Variants in RNF157 observed in about 807,000 individuals in gnomAD.
The protein encoded by RNF157 is ring finger protein 157, also known as E3 ubiquitin ligase RNF157.
A neutral mutation model predicts 88.3 loss-of-function variants in RNF157; 55 were observed. The observed-to-expected ratio is 0.62, with a 90% CI of 0.50 to 0.78. The LOEUF (loss-of-function observed/expected upper bound fraction) is 0.78. Among genes scored for constraint, RNF157 ranks in the 30% least tolerant of loss-of-function variants. The probability of loss-of-function intolerance (pLI) is 0.00; values close to 1 mark genes in which losing one functional copy is unlikely to be tolerated. For missense variants in RNF157, 788 were observed against 860.8 expected, an observed-to-expected ratio of 0.92 and a Z score of 1.06; for synonymous variants, 334 against 341.2, an observed-to-expected ratio of 0.98 and a Z score of 0.23.
At chr17:76,172,114 G>C (rs1332780934) in intron 3 of RNF157, among the ~76,000 whole-genome samples, 1 of 152,172 alleles carries the variant, frequency 6.6e-6, no homozygotes, top group East Asian at 1.9e-4. Context: ...TTGACCCTGG[G>C]GTGGAGAGAA....
intron 17 of RNF157, 188 bp from the exon 18 acceptor site, chr17:76,152,653 G>A (rs1416142861): frequency 9.8e-5 from 53 of 541,668 alleles, no homozygotes; most frequent in Middle Eastern, 4.9e-4. Context: ...CTGTGTTCTC[G>A]CGCTTTCCTG....
intron 2 of RNF157, among the ~76,000 whole-genome samples, chr17:76,177,348 C>T (rs953144187): frequency 2.0e-5 from 3 of 149,882 alleles, no homozygotes; most frequent in Non-Finnish European, 4.5e-5. Context: ...CTGCTCCTGC[C>T]GCCTAGCTTC....
rs762479554 is a variant in RNF157 at position 76,162,561 on chromosome 17, TTG to T, written c.781_782del (p.Gln261ArgfsTer3). On this transcript the variant is annotated frameshift_variant, in exon 9 of 19. Coordinates refer to ENST00000269391, the MANE Select transcript of RNF157 (RefSeq NM_052916.3). LOFTEE classifies it high-confidence loss of function. ...TTTGGGTAAAACTTACCTTAGAATCTTGTGTGTTGTACTTGTTTTCAATTCCA... is the reference window on the plus strand; with the variant it reads ...TTTGGGTAAAACTTACCTTAGAATCTTGTGTTGTACTTGTTTTCAATTCCA... ...IYGIENKYNT[Q>X]DSKVAEDEVS... is the part of the protein sequence containing the mutation. The T allele has an allele frequency of 1.2e-6, 2 of 1,612,760 alleles. No homozygotes were observed. Among genetic ancestry groups the T allele is most frequent in the South Asian group, 2.2e-5 (2 of 90,836 alleles).
intron 1 of RNF157, among the ~76,000 whole-genome samples, chr17:76,225,273 C>T (rs1348912049): frequency 2.0e-5 from 3 of 152,076 alleles, no homozygotes; most frequent in Non-Finnish European, 4.4e-5. Flanking sequence ...ATCACTTGAG[C>T]CCAGGAGTTC....
At chr17:76,165,837 C>T (rs757171978) in intron 6 of RNF157, among the ~76,000 whole-genome samples, 7 of 151,974 alleles carry the variant, frequency 4.6e-5, no homozygotes, top group Middle Eastern at 3.4e-3. Context: ...CCACCATGCC[C>T]GGTTACTTTT....
intron 2 of RNF157, among the ~76,000 whole-genome samples, chr17:76,200,328 GTGTC>G (rs767108083): frequency 6.6e-6 from 1 of 152,164 alleles, no homozygotes; most frequent in Non-Finnish European, 1.5e-5. Flanking sequence ...AGCAACCCAA[GTGTC>G]TGTCTATTGA....
chr17:76,236,087 T>C (rs1314504599), intron 1 of RNF157, among the ~76,000 whole-genome samples: 1 of 152,190 alleles, frequency 6.6e-6, no homozygotes, highest in Non-Finnish European at 1.5e-5. Flanking sequence ...ATTATGTGGG[T>C]GGGCCTCTAG....
In RNF157 at chr17:76,223,271, T is replaced by C. The variant is rs192042510; in HGVS notation, c.89-10789A>G. Among the ~76,000 whole-genome samples the C allele has an allele frequency of 9.5e-5, 14 of 147,402 alleles. No homozygotes were observed. The East Asian group carries it at 1.5e-3, about 16-fold the overall frequency. Reference sequence around the variant, plus strand: ...AGTCCAATCTCTGCTCGCTGCAACATCCGCCTCCCAGGTTCAAGTGATTCT... The same window carrying C: ...AGTCCAATCTCTGCTCGCTGCAACACCCGCCTCCCAGGTTCAAGTGATTCT... On this transcript the variant is annotated intron_variant, in intron 1 of 18. Coordinates refer to ENST00000269391, the MANE Select transcript of RNF157 (RefSeq NM_052916.3).
At position 76,146,918 on chromosome 17, in the gene RNF157, C is replaced by G; in HGVS notation, c.1922-1565G>C. ...CCCAGGACATGAAACCCTTTAATGG[C>G]ATGTAGAGTCAACAGGTATAAATGG... On this transcript the variant is annotated intron_variant, in intron 18 of 18. Coordinates refer to ENST00000269391, the MANE Select transcript of RNF157 (RefSeq NM_052916.3). The surrounding 1 kb of genome is among the most constrained non-coding windows in gnomAD (Gnocchi z 4.2). The G allele has an allele frequency of 1.0e-6, 1 of 985,458 alleles. No individual in the cohort carries two copies. The highest frequency in any genetic ancestry group is 6.1e-5 in the Admixed American group (1 of 16,288). The allele number at this position is 985,458 out of a possible 1,614,324, so 61.0% of individuals were successfully genotyped here.
At position 76,167,813 on chromosome 17, in the gene RNF157, C is replaced by T; in HGVS notation, c.297-16G>A. On this transcript the variant is annotated splice_polypyrimidine_tract_variant and intron_variant, in intron 3 of 18. Coordinates refer to ENST00000269391, the MANE Select transcript of RNF157 (RefSeq NM_052916.3). ...CTCAGCACATCTAGAAAACCAGAGA[C>T]TCAGCATTTGCAGAGTAGCATATCA... is the stretch of plus-strand genomic sequence containing the variant. 6.2e-7 allele frequency: 1 copy of T among 1,609,786 alleles called. No homozygotes were observed. Among genetic ancestry groups the T allele is most frequent in the African/African-American group, 1.3e-5 (1 of 74,786 alleles).
In RNF157 at chr17:76,195,466, C is replaced by T. The variant is rs183712883; in HGVS notation, c.207+16898G>A. 2.0e-5 allele frequency among the ~76,000 whole-genome samples: 3 copies of T among 152,300 alleles called. No individual in the cohort carries two copies. The highest frequency in any genetic ancestry group is 3.9e-4 in the East Asian group (2 of 5,184). On this transcript the variant is annotated intron_variant, in intron 2 of 18. Coordinates refer to ENST00000269391, the MANE Select transcript of RNF157 (RefSeq NM_052916.3). The surrounding 1 kb of genome is among the most constrained non-coding windows in gnomAD (Gnocchi z 4.4). ...AAATTGGTAGAATCACTTTGAAAAG[C>T]GGTTAGCGGTATCTACTACAGCATA...
chr17:76,166,007 C>T (rs1358204884), intron 6 of RNF157, among the ~76,000 whole-genome samples: 2 of 151,996 alleles, frequency 1.3e-5, no homozygotes, highest in African/African-American at 4.8e-5. Flanking sequence ...CTGAGCCTCA[C>T]TCTGTCACCC....
At chr17:76,201,334 A>AT (rs2069574178) in intron 2 of RNF157, among the ~76,000 whole-genome samples, 1 of 150,952 alleles carries the variant, frequency 6.6e-6, no homozygotes, top group African/African-American at 2.4e-5. Context: ...AAAAAAAAAA[A>AT]AAAAAAGAGA....
chr17:76,161,876 A>G lies in RNF157; in HGVS notation c.919T>C (p.Tyr307His), dbSNP rs760377371. 1 of 1,614,238 alleles carries G rather than the reference A, an allele frequency of 6.2e-7. No homozygotes were observed. Among genetic ancestry groups the G allele is most frequent in the East Asian group, 2.2e-5 (1 of 44,880 alleles). ...LCNTCADTLRYQANNCPICRL... is the reference protein window; with the variant it reads ...LCNTCADTLRHQANNCPICRL... The stretch of plus-strand genomic sequence containing the variant: ...CAGATGGGGCAGTTGTTGGCCTGGT[A>G]GCGCAGCGTGTCTGCACAGGTGTTA... The change falls in exon 10 of 19, where the codon TAC (tyrosine) becomes CAC (histidine). Residue 307 changes from tyrosine to histidine, a missense_variant. Tyr to His is a moderately conservative substitution (Grantham distance 83). Coordinates refer to ENST00000269391, the MANE Select transcript of RNF157 (RefSeq NM_052916.3). The surrounding 1 kb of genome is among the most constrained non-coding windows in gnomAD (Gnocchi z 4.6).
chr17:76,211,738 G>A (rs1377002659), intron 2 of RNF157: 1 of 152,236 alleles, frequency 6.6e-6, no homozygotes, highest in South Asian at 2.1e-4. Context: ...CTAGCACACG[G>A]TAGCCACTCA....
At position 76,156,100 on chromosome 17, in the gene RNF157, A is replaced by T. The variant is rs377182641; in HGVS notation, c.1525+110T>A. 36 of 797,186 alleles carry T rather than the reference A, an allele frequency of 4.5e-5. No homozygotes were observed. In the East Asian group the frequency reaches 7.9e-4, roughly 18 times the overall value. 49.4% of individuals were successfully genotyped at this position (797,186 alleles called of 1,614,324 possible). On this transcript the variant is annotated intron_variant, in intron 14 of 18. Coordinates refer to ENST00000269391, the MANE Select transcript of RNF157 (RefSeq NM_052916.3). ...TCAAGCCAGGGCCTACTTGTCATGC[A>T]GTACAGGTATTAGCTTGCCACTCCC... is the stretch of plus-strand genomic sequence containing the variant.
chr17:76,230,076 G>A (rs998296918), intron 1 of RNF157, among the ~76,000 whole-genome samples: 2 of 152,004 alleles, frequency 1.3e-5, no homozygotes, highest in Non-Finnish European at 2.9e-5. Flanking sequence ...GATTTTTTTG[G>A]AGAAACTGAA....
chr17:76,193,711 G>A (rs745550125), intron 2 of RNF157, among the ~76,000 whole-genome samples: 2 of 152,182 alleles, frequency 1.3e-5, no homozygotes, highest in African/African-American at 2.4e-5. Flanking sequence ...ACAAACAAAC[G>A]TGACTTCTGA....
At chr17:76,188,904 G>GC (rs1408998516) in intron 2 of RNF157, among the ~76,000 whole-genome samples, 1 of 152,170 alleles carries the variant, frequency 6.6e-6, no homozygotes, top group Non-Finnish European at 1.5e-5. Flanking sequence ...CTGATATGAT[G>GC]CAACTACATC....
Sources: gnomAD v4.1 joint callset for allele counts (sites outside exome capture counted in the v4.1 genomes callset) on GRCh38, gnomAD v4.1.1 for gene constraint, Gnocchi (gnomAD v3.1) non-coding constraint, MANE v1.5 for transcripts, NCBI Gene and HGNC (gene_info 2026-07-23, HGNC 2026-07-21) for gene names.